Variants in DHDDS observed in about 807,000 individuals in gnomAD.
DHDDS encodes the protein dehydrodolichyl diphosphate synthase complex subunit DHDDS.
Under a neutral mutation model 46.2 loss-of-function variants are expected in DHDDS, and 16 were observed. That is an observed-to-expected ratio of 0.35 (90% CI 0.23 to 0.53). The LOEUF is 0.53. Ranked by LOEUF, DHDDS falls within the 20% of genes least tolerant of loss-of-function variation. DHDDS has a pLI of 0.94. For missense variants in DHDDS, 340 were observed against 423.7 expected (o/e 0.80, Z 1.73); for synonymous variants, 151 against 163.1 (o/e 0.93, Z 0.56).
chr1:26,446,490 T>C, intron 5 of DHDDS, 58 bp downstream of exon 5: 1 of 1,528,100 alleles, frequency 6.5e-7, no homozygotes, highest in Non-Finnish European at 9.1e-7. Flanking sequence ...CCTGCTGGCT[T>C]TAGGGAGACG....
intron 2 of DHDDS, among the ~76,000 whole-genome samples, chr1:26,436,413 G>A (rs987875179): frequency 1.4e-5 from 2 of 145,926 alleles, no homozygotes; most frequent in African/African-American, 5.5e-5. Flanking sequence ...TTGTTTGTTT[G>A]TTTGTTTGTT....
intron 6 of DHDDS, among the ~76,000 whole-genome samples, chr1:26,456,585 G>T (rs927789065): frequency 6.6e-6 from 1 of 152,064 alleles, no homozygotes; most frequent in African/African-American, 2.4e-5. Context: ...TAGAGATGGG[G>T]TTTCACCTTG....
rs570507993 is a variant in DHDDS at position 26,457,993 on chromosome 1, C to G, written c.657+88C>G. The G allele has an allele frequency of 1.8e-5, 21 of 1,151,222 alleles. No individual in the cohort carries two copies. In the South Asian group the frequency reaches 2.5e-4, roughly 14 times the overall value. The allele number at this position is 1,151,222 out of a possible 1,614,324, so 71.3% of individuals were successfully genotyped here. ...GGATCAGAGTGGTCCATCCCCACTCCCAAACAGGCTGGGGCCAGAGTACTT... is the reference window on the plus strand; with the variant it reads ...GGATCAGAGTGGTCCATCCCCACTCGCAAACAGGCTGGGGCCAGAGTACTT... On this transcript the variant is annotated intron_variant, in intron 7 of 8. Transcript: ENST00000236342.
At chr1:26,457,724 G>A (rs2075384185) in intron 6 of DHDDS, 67 bp from the exon 7 acceptor site, 2 of 1,254,076 alleles carry the variant, frequency 1.6e-6, no homozygotes, top group Non-Finnish European at 2.3e-6. Flanking sequence ...AGTTCACCAT[G>A]AGAACACTAC....
intron 4 of DHDDS, among the ~76,000 whole-genome samples, chr1:26,445,918 G>A (rs1463903889): frequency 6.6e-6 from 1 of 151,576 alleles, no homozygotes; most frequent in Non-Finnish European, 1.5e-5. Flanking sequence ...AGCTACTTGG[G>A]AGGCTGCGGT....
intron 7 of DHDDS, among the ~76,000 whole-genome samples, chr1:26,458,678 C>T (rs528692044): frequency 6.3e-5 from 9 of 141,996 alleles, no homozygotes; most frequent in African/African-American, 2.1e-4. Flanking sequence ...GCAGAGGTTG[C>T]AGTGAGGCGA....
chr1:26,439,579 T>TA (rs111887914), intron 3 of DHDDS, among the ~76,000 whole-genome samples: 12 of 145,216 alleles, frequency 8.3e-5, no homozygotes, highest in East Asian at 4.0e-4. Flanking sequence ...AGACCTTGTC[T>TA]AAAAAAAAAA....
rs2075555220 is a variant in DHDDS, at chr1:26,471,233, C to A, written c.*2102C>A. 1 of 152,200 alleles carries A rather than the reference C, an allele frequency of 6.6e-6. No homozygotes were observed. Among genetic ancestry groups the A allele is most frequent in the Non-Finnish European group, 1.5e-5 (1 of 68,036 alleles). 9.4% of individuals were successfully genotyped at this position (152,200 alleles called of 1,614,324 possible). A position where few individuals can be genotyped will look rare whatever the true frequency, so the allele number is the denominator to read the frequency against. On this transcript the variant is annotated 3_prime_UTR_variant, in exon 9 of 9. Coordinates refer to ENST00000236342, the MANE Select transcript of DHDDS (RefSeq NM_205861.3). ...GTCCTTCCACCTGTGAGCCAAGCCC[C>A]CATTTGAGGACATCTATCGTATTCT...
rs551261460 is a variant in DHDDS, at chr1:26,469,441, C to T, written c.*310C>T. ...GTCTCTTAGATGCACTTTCTTTTTC[C>T]ACCAGCACATCCTTCAACACACAGA... On this transcript the variant is annotated 3_prime_UTR_variant, in exon 9 of 9. Transcript: ENST00000236342. 1.0e-5 allele frequency: 5 copies of T among 480,478 alleles called. No homozygotes were observed. The highest frequency in any genetic ancestry group is 7.8e-5 in the African/African-American group (4 of 51,362). 29.8% of individuals were successfully genotyped at this position (480,478 alleles called of 1,614,324 possible). A position where few individuals can be genotyped will look rare whatever the true frequency, so the allele number is the denominator to read the frequency against.
intron 2 of DHDDS, among the ~76,000 whole-genome samples, chr1:26,437,430 G>A (rs1421502187): frequency 6.6e-6 from 1 of 151,808 alleles, no homozygotes; most frequent in African/African-American, 2.4e-5. Flanking sequence ...AGGATTGCTT[G>A]AGCCCAGGAG....
chr1:26,442,344 A>G (rs937513622), intron 3 of DHDDS, among the ~76,000 whole-genome samples: 1 of 152,192 alleles, frequency 6.6e-6, no homozygotes, highest in African/African-American at 2.4e-5. Context: ...GCCACCTTGT[A>G]AGGGATGGAT....
chr1:26,451,531 C>A (rs2075320608), intron 6 of DHDDS, among the ~76,000 whole-genome samples: 1 of 152,006 alleles, frequency 6.6e-6, no homozygotes, highest in Non-Finnish European at 1.5e-5. Context: ...TCTCAACTCA[C>A]TGCAACCTCC....
At chr1:26,450,357 G>A (rs1557442277) in intron 6 of DHDDS, among the ~76,000 whole-genome samples, 1 of 152,074 alleles carries the variant, frequency 6.6e-6, no homozygotes, top group Non-Finnish European at 1.5e-5. Context: ...TTGTTGCCCA[G>A]GATGGTCTTG....
At chr1:26,451,651 CAG>C (rs2075322579) in intron 6 of DHDDS, among the ~76,000 whole-genome samples, 1 of 137,396 alleles carries the variant, frequency 7.3e-6, no homozygotes, top group Non-Finnish European at 1.6e-5. Flanking sequence ...TTTTTTGAGA[CAG>C]AGTCTCGCTC....
intron 6 of DHDDS, among the ~76,000 whole-genome samples, chr1:26,455,940 G>C (rs1219378274): frequency 2.6e-5 from 4 of 152,084 alleles, no homozygotes; most frequent in Admixed American, 2.6e-4. Context: ...TCTGCTTCTG[G>C]GTAGTTGGTA....
intron 8 of DHDDS, among the ~76,000 whole-genome samples, chr1:26,467,809 T>C (rs2124546140): frequency 6.6e-6 from 1 of 152,334 alleles, no homozygotes; most frequent in South Asian, 2.1e-4. Flanking sequence ...GGAGGAGCTC[T>C]AGTGCAAAGG....
chr1:26,454,923 C>A, intron 6 of DHDDS: 2 of 1,602,084 alleles, frequency 1.2e-6, no homozygotes, highest in South Asian at 1.1e-5. Flanking sequence ...AGCAAAAATT[C>A]AGCACTCTTT....
Position 26,465,089 on chromosome 1 carries a change from G to C in DHDDS, c.766-3806G>C, listed in dbSNP as rs1409471939. 2.0e-5 allele frequency among the ~76,000 whole-genome samples: 3 copies of C among 152,180 alleles called. No individual in the cohort carries two copies. In the South Asian group the frequency reaches 6.2e-4, roughly 32 times the overall value. ...ACAAATAGAGAATCAGGCCAGGGAGGGGGTGTGCGGCAGTGCAGAGCAGCT... is the reference window on the plus strand; with the variant it reads ...ACAAATAGAGAATCAGGCCAGGGAGCGGGTGTGCGGCAGTGCAGAGCAGCT... On this transcript the variant is annotated intron_variant, in intron 8 of 8. Coordinates refer to ENST00000236342, the MANE Select transcript of DHDDS (RefSeq NM_205861.3).
chr1:26,440,988 G>T (rs1161415798), intron 3 of DHDDS, among the ~76,000 whole-genome samples: 1 of 151,246 alleles, frequency 6.6e-6, no homozygotes, highest in African/African-American at 2.4e-5. Flanking sequence ...GCAGTGGCGC[G>T]ATCTCAGTTC....
Sources: gnomAD v4.1 joint callset for allele counts (sites outside exome capture counted in the v4.1 genomes callset) on GRCh38, gnomAD v4.1.1 for gene constraint, MANE v1.5 for transcripts, NCBI Gene and HGNC (gene_info 2026-07-23, HGNC 2026-07-21) for gene names.